The following RABGAP1L variants were observed in gnomAD, a reference collection of about 807,000 sequenced individuals.
The protein encoded by RABGAP1L is rab GTPase-activating protein 1-like.
Under a neutral mutation model 137.7 loss-of-function variants are expected in RABGAP1L, and 63 were observed. The ratio of observed to expected loss-of-function variants is 0.46; its 90% CI spans 0.37 to 0.56. The LOEUF (loss-of-function observed/expected upper bound fraction) is 0.56. Among genes scored for constraint, RABGAP1L ranks in the 20% least tolerant of loss-of-function variants. RABGAP1L has a pLI of 0.00. For missense variants in RABGAP1L, 1,095 were observed against 1,244.0 expected (o/e 0.88, Z 1.80); for synonymous variants, 431 against 433.7 (o/e 0.99, Z 0.08).
intron 13 of RABGAP1L, among the ~76,000 whole-genome samples, chr1:174,589,948 T>C (rs1239477955): frequency 6.6e-6 from 1 of 152,160 alleles, no homozygotes; most frequent in African/African-American, 2.4e-5. Flanking sequence ...TCCAGGTCTT[T>C]CATGGGTTCC....
intron 19 of RABGAP1L, among the ~76,000 whole-genome samples, chr1:174,894,762 TTTGTG>T (rs1423804789): frequency 7.4e-6 from 1 of 134,460 alleles, no homozygotes; most frequent in African/African-American, 3.2e-5. Context: ...TTTGTTTTGT[TTTGTG>T]TGTGTGTTTT....
At chr1:174,169,256 G>A (rs1665151565) in intron 1 of RABGAP1L, among the ~76,000 whole-genome samples, 1 of 150,172 alleles carries the variant, frequency 6.7e-6, no homozygotes, top group Non-Finnish European at 1.5e-5. Flanking sequence ...GTCTTGCTCT[G>A]TCGCCCAGGC....
chr1:174,873,167 C>T (rs1165926995), intron 19 of RABGAP1L, among the ~76,000 whole-genome samples: 1 of 151,944 alleles, frequency 6.6e-6, no homozygotes, highest in Non-Finnish European at 1.5e-5. Flanking sequence ...CTCCTGGGTT[C>T]AAGCGATTCT....
rs949690902 is a variant in RABGAP1L at position 174,252,515 on chromosome 1, A to G, written c.911A>G (p.Lys304Arg). 9 of 1,613,094 alleles carry G rather than the reference A, an allele frequency of 5.6e-6. No individual in the cohort carries two copies. The highest frequency in any genetic ancestry group is 7.6e-6 in the Non-Finnish European group (9 of 1,179,718). ...AAGGATAGAGATAAATTTTATTTCA[A>G]ATTAAAGCAAGGAATAGAGAAGAAG... ...VPKDRDKFYF[K>R]LKQGIEKKVV... is the part of the protein sequence containing the mutation. The change falls in exon 7 of 26, where the codon AAA (lysine) becomes AGA (arginine). Residue 304 changes from lysine (K) to arginine (R), a missense_variant. Physicochemically the swap from Lys to Arg is conservative, Grantham distance 26. Coordinates refer to ENST00000681986, the MANE Select transcript of RABGAP1L (RefSeq NM_001366446.1).
intron 11 of RABGAP1L, among the ~76,000 whole-genome samples, chr1:174,305,609 C>A (rs1362032929): frequency 6.6e-6 from 1 of 152,080 alleles, no homozygotes; most frequent in Non-Finnish European, 1.5e-5. Flanking sequence ...TTGTCTCAAA[C>A]TCCTGACCTC....
In RABGAP1L at chr1:174,930,866, C is replaced by A. The variant is rs1271512873; in HGVS notation, c.2341-26591C>A. On this transcript the variant is annotated intron_variant, in intron 19 of 25. Transcript: ENST00000681986. ...CATAACCATAATATTGATATCAGAC[C>A]CACTGAAATTAATATTCTAATAGTG... 9.2e-5 allele frequency among the ~76,000 whole-genome samples: 14 copies of A among 152,102 alleles called. No homozygotes were observed. The East Asian group carries it at 2.7e-3, about 29-fold the overall frequency.
intron 5 of RABGAP1L, among the ~76,000 whole-genome samples, chr1:174,243,647 C>T (rs1028131145): frequency 6.6e-5 from 10 of 152,254 alleles, no homozygotes; most frequent in Admixed American, 3.3e-4. Flanking sequence ...CATAACAGCC[C>T]GTGACCAGGT....
intron 13 of RABGAP1L, among the ~76,000 whole-genome samples, chr1:174,560,463 A>T (rs1667139090): frequency 6.6e-6 from 1 of 152,228 alleles, no homozygotes; most frequent in African/African-American, 2.4e-5. Flanking sequence ...GTAAGCTGAG[A>T]ATAGGGGCAG....
At position 174,483,163 on chromosome 1, in the gene RABGAP1L, A is replaced by C. The variant is rs187774097; in HGVS notation, c.1710+89018A>C. Among the ~76,000 whole-genome samples the C allele has an allele frequency of 3.9e-5, 6 of 152,254 alleles. No individual in the cohort carries two copies. In the East Asian group the frequency reaches 1.2e-3, roughly 29 times the overall value. ...AATTATATCCTTTTTAGTTGTTTTAAAATGTAGAATTTATTTTTGTTTTAC... is the reference window on the plus strand; with the variant it reads ...AATTATATCCTTTTTAGTTGTTTTACAATGTAGAATTTATTTTTGTTTTAC... On this transcript the variant is annotated intron_variant, in intron 13 of 25. Coordinates refer to ENST00000681986, the MANE Select transcript of RABGAP1L (RefSeq NM_001366446.1).
chr1:174,311,971 A>T (rs1012081286), intron 11 of RABGAP1L, among the ~76,000 whole-genome samples: 2 of 152,042 alleles, frequency 1.3e-5, no homozygotes, highest in African/African-American at 4.8e-5. Context: ...TAAGTATCAC[A>T]TTTTCTTTAT....
chr1:174,712,155 C>G (rs1680583078), intron 17 of RABGAP1L, among the ~76,000 whole-genome samples: 1 of 152,160 alleles, frequency 6.6e-6, no homozygotes, highest in African/African-American at 2.4e-5. Flanking sequence ...TAAAACGGAC[C>G]AATCAGCTCT....
intron 17 of RABGAP1L, among the ~76,000 whole-genome samples, chr1:174,709,720 A>G (rs1680332361): frequency 6.6e-6 from 1 of 152,250 alleles, no homozygotes; most frequent in South Asian, 2.1e-4. Context: ...GAAGATGAGG[A>G]AAAGCCAGCG....
chr1:174,381,616 G>T (rs1686169217), intron 12 of RABGAP1L, among the ~76,000 whole-genome samples: 1 of 91,402 alleles, frequency 1.1e-5, no homozygotes, highest in Non-Finnish European at 1.9e-5. Flanking sequence ...TGCAACCCCT[G>T]CCTTTTTTTG....
Position 174,273,548 on chromosome 1 carries a change from CT to C in RABGAP1L, c.1053+1080del, listed in dbSNP as rs35854979. Among the ~76,000 whole-genome samples the C allele has an allele frequency of 8.2e-3, 1,194 of 145,024 alleles. 21 individuals carry two copies. The highest frequency in any genetic ancestry group is 0.025 in the African/African-American group (1,017 of 39,932). On this transcript the variant is annotated intron_variant, in intron 8 of 25. Transcript: ENST00000681986. ...AGCTATTGATCTATGTCTCTTACAT[CT>C]TTTTTTTTTTTCTTGACCACATATC...
intron 19 of RABGAP1L, among the ~76,000 whole-genome samples, chr1:174,828,644 A>G (rs1691821811): frequency 6.7e-6 from 1 of 148,604 alleles, no homozygotes; most frequent in African/African-American, 2.5e-5. Flanking sequence ...GAGATGTTGT[A>G]AGAATTAATT....
intron 13 of RABGAP1L, among the ~76,000 whole-genome samples, chr1:174,461,045 C>G (rs1343050565): frequency 1.3e-5 from 2 of 152,164 alleles, no homozygotes; most frequent in African/African-American, 4.8e-5. Flanking sequence ...TGAATTCTGT[C>G]AGTGCTGTTC....
rs545070876 is a variant in RABGAP1L, at chr1:174,547,843, A to G, written c.1711-89532A>G. ...TATTTATTTTGTCTTTTAGCAACAGATGAAATTTAGTCTTACACCGAGACA... is the reference window on the plus strand; with the variant it reads ...TATTTATTTTGTCTTTTAGCAACAGGTGAAATTTAGTCTTACACCGAGACA... On this transcript the variant is annotated intron_variant, in intron 13 of 25. Transcript: ENST00000681986. The G allele has an allele frequency of 7.2e-6, 11 of 1,527,146 alleles. 1 individual carries two copies. In the South Asian group the frequency reaches 1.1e-4, roughly 15 times the overall value. 94.6% of individuals were successfully genotyped at this position (1,527,146 alleles called of 1,614,324 possible).
intron 13 of RABGAP1L, among the ~76,000 whole-genome samples, chr1:174,576,338 C>CA (rs1192971630): frequency 5.3e-5 from 8 of 152,048 alleles, no homozygotes; most frequent in Non-Finnish European, 1.0e-4. Flanking sequence ...ACAAGGGTCA[C>CA]ATTCCCTCAT....
intron 1 of RABGAP1L, among the ~76,000 whole-genome samples, chr1:174,191,158 TG>T (rs1227735985): frequency 6.6e-6 from 1 of 152,232 alleles, no homozygotes; most frequent in African/African-American, 2.4e-5. Flanking sequence ...GAGGTATGCC[TG>T]TACCTTATAA....
Sources: gnomAD v4.1 joint callset for allele counts (sites outside exome capture counted in the v4.1 genomes callset) on GRCh38, gnomAD v4.1.1 for gene constraint, MANE v1.5 for transcripts, NCBI Gene and HGNC (gene_info 2026-07-23, HGNC 2026-07-21) for gene names.